Variants in PIK3C2B observed in about 807,000 individuals in gnomAD.
PIK3C2B encodes the protein phosphatidylinositol 4-phosphate 3-kinase C2 domain-containing subunit beta.
PIK3C2B carries 83 observed loss-of-function variants against 184.3 expected under a neutral mutation model. The observed-to-expected ratio is 0.45, with a 90% confidence interval of 0.38 to 0.54. PIK3C2B has a LOEUF of 0.54. PIK3C2B is among the 20% of genes least tolerant of loss of function. PIK3C2B has a pLI of 0.00. For synonymous variants in PIK3C2B, 779 were observed against 837.6 expected (o/e 0.93, Z 1.21); for missense variants, 1,736 against 2,113.5 (o/e 0.82, Z 3.50).
At chr1:204,472,958 T>C (rs984196715) in intron 1 of PIK3C2B, among the ~76,000 whole-genome samples, 15 of 152,226 alleles carry the variant, frequency 9.9e-5, no homozygotes, top group African/African-American at 3.4e-4. Flanking sequence ...CAGTGTGAAG[T>C]AGTCACTTCT....
intron 16 of PIK3C2B, among the ~76,000 whole-genome samples, chr1:204,445,359 C>T (rs918359588): frequency 1.3e-5 from 2 of 151,872 alleles, no homozygotes; most frequent in African/African-American, 4.8e-5. Context: ...TTTGGGAGGC[C>T]AAGGAGGGAG....
chr1:204,485,951 T>G (rs1048187913), intron 1 of PIK3C2B, among the ~76,000 whole-genome samples: 3 of 152,190 alleles, frequency 2.0e-5, no homozygotes, highest in African/African-American at 7.2e-5. Flanking sequence ...TTTGCTCTTT[T>G]GAATATTTTT....
chr1:204,482,959 G>A (rs886206632), intron 1 of PIK3C2B, among the ~76,000 whole-genome samples: 2 of 152,080 alleles, frequency 1.3e-5, no homozygotes, highest in Non-Finnish European at 2.9e-5. Context: ...GCAGCCGTAG[G>A]TTTCAGTTTC....
intron 23 of PIK3C2B, 80 bp downstream of exon 23, chr1:204,438,855 G>A (rs1675490647): frequency 3.4e-6 from 5 of 1,486,084 alleles, no homozygotes; most frequent in Non-Finnish European, 9.2e-7. Flanking sequence ...CTGAGCAAGT[G>A]CAGGTCTTGT....
At chr1:204,438,905 A>G in intron 23 of PIK3C2B, 30 bp downstream of exon 23, 1 of 1,607,862 alleles carries the variant, frequency 6.2e-7, no homozygotes, top group Non-Finnish European at 8.5e-7. Flanking sequence ...ACACACACAC[A>G]CCAGACGCAC....
rs746483178 is a variant in PIK3C2B, at chr1:204,449,170, G to A, written c.2346+15C>T. On this transcript the variant is annotated intron_variant, in intron 14 of 32. Coordinates refer to ENST00000684373, the MANE Select transcript of PIK3C2B (RefSeq NM_001377334.1). The stretch of plus-strand genomic sequence containing the variant: ...GGTCTTGCTGGTGACTGGGAGGGAA[G>A]GGCTAAAGCCTCACCTGCAGGATGA... 9 of 1,554,376 alleles carry A rather than the reference G, an allele frequency of 5.8e-6. No homozygotes were observed. The highest frequency in any genetic ancestry group is 7.1e-6 in the Non-Finnish European group (8 of 1,130,122).
chr1:204,460,864 C>T lies in PIK3C2B; in HGVS notation c.1311-203G>A, dbSNP rs541580086. Among the ~76,000 whole-genome samples, 3 of 152,288 alleles carry T rather than the reference C, an allele frequency of 2.0e-5. No individual in the cohort carries two copies. The East Asian group carries it at 5.8e-4, about 29-fold the overall frequency. ...AGAGGTCTATCTAAACAAAAGCCAC[C>T]TAATATACTTAATCCTTGGCCGGTA... is the stretch of plus-strand genomic sequence containing the variant. On this transcript the variant is annotated intron_variant, in intron 5 of 32. Transcript: ENST00000684373.
In PIK3C2B at chr1:204,429,985, C is replaced by T. The variant is rs1674952974; in HGVS notation, c.4334G>A (p.Arg1445Gln). 2.5e-6 allele frequency: 4 copies of T among 1,612,168 alleles called. No homozygotes were observed. The highest frequency in any genetic ancestry group is 3.4e-6 in the Non-Finnish European group (4 of 1,179,956). ...GRSRGEAVAERRREELNGYIW... is the reference protein window; with the variant it reads ...GRSRGEAVAEQRREELNGYIW... ...GTAACCGTTTAGCTCCTCCCTCCGCCGCTCGGCCACCGCCTCTCCCCGGGA... is the reference window on the plus strand; with the variant it reads ...GTAACCGTTTAGCTCCTCCCTCCGCTGCTCGGCCACCGCCTCTCCCCGGGA... Residue 1445 changes from arginine (R) to glutamine (Q), a missense_variant, in exon 29 of 33, where the codon CGG becomes CAG. Physicochemically the swap from Arg to Gln is conservative, Grantham distance 43 (BLOSUM62 1). This residue lies in a region of PIK3C2B where 200 missense variants were observed against 199.1 expected (regional missense o/e 1.00). Transcript: ENST00000684373.
chr1:204,450,687 C>T (rs1204982022), intron 12 of PIK3C2B, among the ~76,000 whole-genome samples: 7 of 152,172 alleles, frequency 4.6e-5, no homozygotes, highest in Admixed American at 4.6e-4. Context: ...GCCAAGAGAA[C>T]TGAGACACAT....
chr1:204,444,859 A>G (rs1379505958), intron 16 of PIK3C2B, among the ~76,000 whole-genome samples: 1 of 152,270 alleles, frequency 6.6e-6, no homozygotes, highest in Admixed American at 6.5e-5. Context: ...AGTATTTTAT[A>G]TAAGCCAATA....
intron 12 of PIK3C2B, among the ~76,000 whole-genome samples, chr1:204,452,141 CT>C (rs946917696): frequency 6.6e-6 from 1 of 152,114 alleles, no homozygotes; most frequent in African/African-American, 2.4e-5. Context: ...GGGACTGCCC[CT>C]TTAAAATTCA....
chr1:204,481,414 T>C (rs943228971), intron 1 of PIK3C2B, among the ~76,000 whole-genome samples: 1 of 151,864 alleles, frequency 6.6e-6, no homozygotes, highest in Non-Finnish European at 1.5e-5. Flanking sequence ...CCCGCCACCA[T>C]GCCCAGCTAA....
At chr1:204,434,043 T>A (rs1327284033) in intron 24 of PIK3C2B, 94 bp from the exon 25 acceptor site, 1 of 970,390 alleles carries the variant, frequency 1.0e-6, no homozygotes. Flanking sequence ...TCATCCCTCA[T>A]CACGTGGACA....
At chr1:204,459,463 A>G (rs1174153953) in intron 8 of PIK3C2B, among the ~76,000 whole-genome samples, 2 of 152,078 alleles carry the variant, frequency 1.3e-5, no homozygotes, top group Non-Finnish European at 2.9e-5. Context: ...GAAACCTTCT[A>G]CCTCCTGATG....
Position 204,434,114 on chromosome 1 carries a change from A to T in PIK3C2B, c.3687-165T>A, listed in dbSNP as rs536523151. Among the ~76,000 whole-genome samples the T allele has an allele frequency of 9.2e-5, 14 of 152,054 alleles. 1 individual carries two copies. The East Asian group carries it at 2.5e-3, about 27-fold the overall frequency. On this transcript the variant is annotated intron_variant, in intron 24 of 32. Transcript: ENST00000684373. The stretch of plus-strand genomic sequence containing the variant: ...TCCTTTCCTACCTTAATCTTAAAAG[A>T]TCTCTATATCCTTCATTGGTTCCTT...
At chr1:204,451,660 G>A (rs1016418628) in intron 12 of PIK3C2B, among the ~76,000 whole-genome samples, 2 of 152,210 alleles carry the variant, frequency 1.3e-5, no homozygotes, top group Admixed American at 1.3e-4. Context: ...TTTCTCATCA[G>A]GGAAAAGGGG....
At chr1:204,476,139 T>G (rs2103524228) in intron 1 of PIK3C2B, among the ~76,000 whole-genome samples, 1 of 152,288 alleles carries the variant, frequency 6.6e-6, no homozygotes, top group East Asian at 1.9e-4. Context: ...CGACCTGGCT[T>G]CCTCTAAAAA....
At chr1:204,429,663 G>A (rs1289838776) in intron 29 of PIK3C2B, among the ~76,000 whole-genome samples, 2 of 152,112 alleles carry the variant, frequency 1.3e-5, no homozygotes, top group South Asian at 2.1e-4. Context: ...CTGAGGCTCC[G>A]CTCATTCTCA....
rs548674243 is a variant in PIK3C2B, at chr1:204,469,142, G to A, written c.661C>T (p.Arg221Cys). 19 of 1,614,118 alleles carry A rather than the reference G, an allele frequency of 1.2e-5. No individual in the cohort carries two copies. The highest frequency in any genetic ancestry group is 8.8e-5 in the South Asian group (8 of 91,082). The change falls in exon 2 of 33, where the codon CGC becomes TGC. Residue 221 changes from arginine (R) to cysteine (C), a missense_variant. Physicochemically the swap from Arg to Cys is radical, Grantham distance 180. Coordinates refer to ENST00000684373, the MANE Select transcript of PIK3C2B (RefSeq NM_001377334.1). ...TCATAGTCCACAGACCCCAGTAGGC[G>A]CCCCTGACCCCCACCTCCCAGCACC... ...EEVLGGGGQG[R>C]LLGSVDYDGI...
Sources: gnomAD v4.1 joint callset for allele counts (sites outside exome capture counted in the v4.1 genomes callset) on GRCh38, gnomAD v4.1.1 for gene constraint, gnomAD v4.1.1 regional missense constraint, MANE v1.5 for transcripts, NCBI Gene and HGNC (gene_info 2026-07-23, HGNC 2026-07-21) for gene names.